Variants in CREBRF observed in about 807,000 individuals in gnomAD.
The protein encoded by CREBRF is CREB3 regulatory factor.
In CREBRF, 5 loss-of-function variants were observed where a neutral mutation model predicts 66.1. The ratio of observed to expected loss-of-function variants is 0.08; its 90% confidence interval spans 0.04 to 0.16. The LOEUF is 0.16. Among genes scored for constraint, CREBRF ranks in the 10% least tolerant of loss-of-function variants. The probability of loss-of-function intolerance (pLI) is 1.00; values close to 1 mark genes in which losing one functional copy is unlikely to be tolerated. For missense variants in CREBRF, 531 were observed against 744.9 expected (o/e 0.71, Z 3.34); for synonymous variants, 229 against 264.4 (o/e 0.87, Z 1.30).
At chr5:173,095,433 C>T (rs1758455711) in intron 4 of CREBRF, among the ~76,000 whole-genome samples, 1 of 152,044 alleles carries the variant, frequency 6.6e-6, no homozygotes, top group African/African-American at 2.4e-5. Context: ...TCGTGATCTG[C>T]CAGCCTCGGC....
chr5:173,112,570 G>A (rs1449030085), intron 7 of CREBRF, among the ~76,000 whole-genome samples, 191 bp downstream of exon 7: 1 of 152,100 alleles, frequency 6.6e-6, no homozygotes, highest in Non-Finnish European at 1.5e-5. Flanking sequence ...ATAAGTTTCT[G>A]TACTGCTGAC....
At chr5:173,056,967 G>A (rs934112173) in intron 1 of CREBRF, among the ~76,000 whole-genome samples, 1 of 151,790 alleles carries the variant, frequency 6.6e-6, no homozygotes, top group African/African-American at 2.4e-5. Context: ...CGGGGCCGCG[G>A]AGGTTGGAGC....
intron 8 of CREBRF, 65 bp from the exon 9 acceptor site, chr5:173,133,565 T>TCCTTC (rs1299281862): frequency 1.1e-6 from 1 of 869,952 alleles, no homozygotes; most frequent in Admixed American, 2.2e-5. Context: ...TTTTACCAGC[T>TCCTTC]CCTTCCCTTC....
intron 4 of CREBRF, among the ~76,000 whole-genome samples, chr5:173,100,029 C>G (rs1168473121): frequency 6.8e-6 from 1 of 146,298 alleles, no homozygotes; most frequent in Admixed American, 6.9e-5. Context: ...GCCTTAGCCT[C>G]CCAAGTAGCT....
chr5:173,089,508 A>G (rs187324272), intron 3 of CREBRF, among the ~76,000 whole-genome samples: 266 of 152,086 alleles, frequency 1.7e-3, no homozygotes, highest in Middle Eastern at 3.4e-3. Flanking sequence ...ATTCATTTCA[A>G]TGGCTGCAGA....
chr5:173,125,857 C>T (rs908169143), intron 8 of CREBRF, among the ~76,000 whole-genome samples: 12 of 152,100 alleles, frequency 7.9e-5, no homozygotes, highest in African/African-American at 2.7e-4. Context: ...GAGCGAGACT[C>T]CTTTTCAAAA....
intron 7 of CREBRF, among the ~76,000 whole-genome samples, chr5:173,121,558 G>A (rs1157312065): frequency 6.6e-6 from 1 of 152,042 alleles, no homozygotes; most frequent in Non-Finnish European, 1.5e-5. Context: ...TCCTGACCCC[G>A]TGATCCGCCC....
In CREBRF at chr5:173,082,984, T is replaced by C. The variant is rs1047167934; in HGVS notation, c.9+2200T>C. 1.1e-3 allele frequency among the ~76,000 whole-genome samples: 165 copies of C among 143,574 alleles called. 1 individual carries two copies. Among genetic ancestry groups the C allele is most frequent in the African/African-American group, 4.1e-3 (156 of 38,474 alleles). 94.2% of individuals were successfully genotyped at this position (143,574 alleles called of 152,430 possible). ...GCTTGCACCTGTAATCCCAGCACTT[T>C]GGGAGGCTGAGACAGGCTGATCACT... On this transcript the variant is annotated intron_variant, in intron 2 of 8. Coordinates refer to ENST00000296953, the MANE Select transcript of CREBRF (RefSeq NM_153607.3).
intron 8 of CREBRF, among the ~76,000 whole-genome samples, chr5:173,130,582 T>G (rs1222892156): frequency 6.6e-6 from 1 of 152,034 alleles, no homozygotes; most frequent in Non-Finnish European, 1.5e-5. Flanking sequence ...TGGAATGCAG[T>G]GGTGCTATCA....
At chr5:173,113,598 G>C (rs1758918122) in intron 7 of CREBRF, among the ~76,000 whole-genome samples, 1 of 152,200 alleles carries the variant, frequency 6.6e-6, no homozygotes, top group Non-Finnish European at 1.5e-5. Context: ...ATGAGTCACT[G>C]CACCCGGGCC....
chr5:173,078,618 G>A (rs1757841995), intron 1 of CREBRF, among the ~76,000 whole-genome samples: 1 of 151,182 alleles, frequency 6.6e-6, no homozygotes, highest in African/African-American at 2.4e-5. Context: ...GAGAGCAGTG[G>A]TGCGATCTCG....
At chr5:173,107,659 T>A (rs1450851443) in intron 4 of CREBRF, among the ~76,000 whole-genome samples, 1 of 152,098 alleles carries the variant, frequency 6.6e-6, no homozygotes, top group Non-Finnish European at 1.5e-5. Flanking sequence ...GAATTCTGCC[T>A]AGTAGAACAC....
intron 8 of CREBRF, among the ~76,000 whole-genome samples, chr5:173,132,779 A>T (rs1759505101): frequency 1.3e-5 from 2 of 148,254 alleles, no homozygotes. Context: ...TTGTGTTTTC[A>T]GTAGAGACAG....
intron 3 of CREBRF, among the ~76,000 whole-genome samples, chr5:173,088,084 G>A (rs1758215979): frequency 6.6e-6 from 1 of 151,492 alleles, no homozygotes. Context: ...CGGAGTGCTG[G>A]GATTACAGGT....
chr5:173,085,794 GCTTTTTAGC>G (rs1215113049), intron 2 of CREBRF: 3 of 777,730 alleles, frequency 3.9e-6, no homozygotes, highest in Non-Finnish European at 7.2e-6. Context: ...TCATGGGTCA[GCTTTTTAGC>G]AGTCTCTGGA....
At chr5:173,081,810 C>A (rs1343457046) in intron 2 of CREBRF, among the ~76,000 whole-genome samples, 3 of 151,968 alleles carry the variant, frequency 2.0e-5, no homozygotes, top group Non-Finnish European at 4.4e-5. Flanking sequence ...ATCCCAGCCA[C>A]TTGGGAGGCT....
rs1053164758 is a variant in CREBRF at position 173,081,641 on chromosome 5, G to A, written c.9+857G>A. On this transcript the variant is annotated intron_variant, in intron 2 of 8. Coordinates refer to ENST00000296953, the MANE Select transcript of CREBRF (RefSeq NM_153607.3). ...ATAGATATTGAAAAGACCAGCGGCC[G>A]GCTAGGCACAGTGGCTCACGCCTGT... Among the ~76,000 whole-genome samples, 9 of 152,274 alleles carry A rather than the reference G, an allele frequency of 5.9e-5. No individual in the cohort carries two copies. In the East Asian group the frequency reaches 9.7e-4, roughly 16 times the overall value.
intron 1 of CREBRF, among the ~76,000 whole-genome samples, chr5:173,065,764 TCA>T (rs1757418438): frequency 6.7e-6 from 1 of 150,250 alleles, no homozygotes; most frequent in Non-Finnish European, 1.5e-5. Flanking sequence ...CACCTCAGCC[TCA>T]CGAGTAGCTG....
At chr5:173,091,463 G>C (rs757248539) in intron 4 of CREBRF, 62 bp downstream of exon 4, 3 of 1,548,398 alleles carry the variant, frequency 1.9e-6, no homozygotes, top group East Asian at 4.5e-5. Flanking sequence ...AAATAGAAAG[G>C]TTTTTGTTTC....
Sources: allele counts gnomAD v4.1 joint callset (sites outside exome capture counted in the v4.1 genomes callset), GRCh38; gene constraint gnomAD v4.1.1; transcripts MANE v1.5; gene names NCBI Gene and HGNC (gene_info 2026-07-23, HGNC 2026-07-21).